RAB1B: variants seen among roughly 807,000 people sequenced by gnomAD.
The protein encoded by RAB1B is RAB1B, member RAS oncogene family.
Under a neutral mutation model 24.8 loss-of-function variants are expected in RAB1B, and 10 were observed. The ratio of observed to expected loss-of-function variants is 0.40; its 90% CI spans 0.25 to 0.68. The LOEUF (loss-of-function observed/expected upper bound fraction) is 0.68. Ranked by LOEUF, RAB1B falls within the 30% of genes least tolerant of loss-of-function variation. The pLI is 0.37. For synonymous variants in RAB1B, 99 were observed against 111.7 expected, an observed-to-expected ratio of 0.89 and a Z score of 0.72; for missense variants, 154 against 271.2, an observed-to-expected ratio of 0.57 and a Z score of 3.04.
chr11:66,270,825 A>G (rs1161736118), intron 1 of RAB1B: 1 of 152,290 alleles, frequency 6.6e-6, no homozygotes, highest in Non-Finnish European at 1.5e-5. Context: ...TGTACTGGGG[A>G]TTCCCTAAAT....
At chr11:66,270,967 C>T (rs1857047076) in intron 1 of RAB1B, 2 of 152,242 alleles carry the variant, frequency 1.3e-5, no homozygotes. Flanking sequence ...GCTGAGAGCC[C>T]TTTGGGCTAG....
rs755825172 is a variant in RAB1B, at chr11:66,272,270, C to G, written c.183+18C>G. On this transcript the variant is annotated intron_variant, in intron 3 of 5. Transcript: ENST00000311481. Reference sequence around the variant, plus strand: ...TTCAGATCGTGAGTGTCGCTCTTCCCAAAATCCCCAGTACAGAGGTATCCA... The same window carrying G: ...TTCAGATCGTGAGTGTCGCTCTTCCGAAAATCCCCAGTACAGAGGTATCCA... 4 of 1,608,886 alleles carry G rather than the reference C, an allele frequency of 2.5e-6. No individual in the cohort carries two copies. The highest frequency in any genetic ancestry group is 3.4e-6 in the Non-Finnish European group (4 of 1,175,190).
intron 2 of RAB1B, 132 bp from the exon 3 acceptor site, chr11:66,272,025 T>C (rs1014482744): frequency 1.0e-6 from 1 of 952,780 alleles, no homozygotes. Flanking sequence ...AAGACAGGGC[T>C]GGCCAGCTGA....
intron 4 of RAB1B, 122 bp downstream of exon 4, chr11:66,272,582 A>G (rs555826): frequency 1 from 643,748 of 646,640 alleles, 320,484 homozygotes; most frequent in East Asian, 1. Context: ...TTGTCTGCTT[A>G]CAGGAACTAA....
chr11:66,276,671 A>G lies in RAB1B; in HGVS notation c.*433A>G, dbSNP rs1030579569. 12 of 158,732 alleles carry G rather than the reference A, an allele frequency of 7.6e-5. No individual in the cohort carries two copies. Among genetic ancestry groups the G allele is most frequent in the Non-Finnish European group, 8.3e-5 (6 of 72,618 alleles). 9.8% of individuals were successfully genotyped at this position (158,732 alleles called of 1,614,324 possible). A position where few individuals can be genotyped will look rare whatever the true frequency, so the allele number is the denominator to read the frequency against. On this transcript the variant is annotated 3_prime_UTR_variant, in exon 6 of 6. Transcript: ENST00000311481. Reference sequence around the variant, plus strand: ...GCTGCAGTCAGTGCCCAGGGCGAGGAATGTGGCCAGGGGATCCAGGACCTG... The same window carrying G: ...GCTGCAGTCAGTGCCCAGGGCGAGGGATGTGGCCAGGGGATCCAGGACCTG...
chr11:66,275,972 T>C (rs2134867738), intron 5 of RAB1B, 37 bp downstream of exon 5: 1 of 1,607,988 alleles, frequency 6.2e-7, no homozygotes. Flanking sequence ...GTCGGGGCGC[T>C]GGGGCCTGCT....
rs1170642501 is a variant in RAB1B, at chr11:66,272,414, A to T, written c.233A>T (p.Tyr78Phe). ...TTCCGGACCATCACTTCCAGCTACT[A>T]CCGGGGGGCTCATGGCATCATCGTG... is the stretch of plus-strand genomic sequence containing the variant. Reference protein sequence around the residue: ...ERFRTITSSYYRGAHGIIVVY... With the variant: ...ERFRTITSSYFRGAHGIIVVY... The change falls in exon 4 of 6, where the codon TAC becomes TTC. Residue 78 changes from tyrosine (Y) to phenylalanine (F), a missense_variant. Coordinates refer to ENST00000311481, the MANE Select transcript of RAB1B (RefSeq NM_030981.3). 6.2e-7 allele frequency: 1 copy of T among 1,606,778 alleles called. No individual in the cohort carries two copies. The highest frequency in any genetic ancestry group is 8.5e-7 in the Non-Finnish European group (1 of 1,175,714).
Position 66,275,944 on chromosome 11 carries a change from C to A in RAB1B, c.411+9C>A. The A allele has an allele frequency of 6.2e-7, 1 of 1,611,206 alleles. No homozygotes were observed. The highest frequency in any genetic ancestry group is 8.5e-7 in the Non-Finnish European group (1 of 1,179,174). ...ACAACACCACAGCCAAGGTAGCAGA[C>A]GGGCCGGTCTGCCCGGGGTCGGGGC... On this transcript the variant is annotated intron_variant, in intron 5 of 5. Transcript: ENST00000311481.
rs148894999 is a variant in RAB1B, at chr11:66,273,245, C to T, written c.279+785C>T. Among the ~76,000 whole-genome samples, 566 of 152,304 alleles carry T rather than the reference C, an allele frequency of 3.7e-3. 2 individuals carry two copies. Among genetic ancestry groups the T allele is most frequent in the African/African-American group, 0.012 (513 of 41,560 alleles). On this transcript the variant is annotated intron_variant, in intron 4 of 5. Transcript: ENST00000311481. ...AAGATAAGGAGAAGCTTAAATCAGCCGTGGGCCGGGAAGAGTCCCTGTCTG... is the reference window on the plus strand; with the variant it reads ...AAGATAAGGAGAAGCTTAAATCAGCTGTGGGCCGGGAAGAGTCCCTGTCTG...
chr11:66,276,295 G>C lies in RAB1B; in HGVS notation c.*57G>C, dbSNP rs999078475. ...ACCTTCTCCAGATGATGTCCCTGGA[G>C]GGGGCAGGAGGTACCTCCCTCTCCC... is the stretch of plus-strand genomic sequence containing the variant. On this transcript the variant is annotated 3_prime_UTR_variant, in exon 6 of 6. Transcript: ENST00000311481. 1 of 1,459,438 alleles carries C rather than the reference G, an allele frequency of 6.9e-7. No homozygotes were observed. 90.4% of individuals were successfully genotyped at this position (1,459,438 alleles called of 1,614,324 possible).
At chr11:66,272,565 A>G (rs1857077756) in intron 4 of RAB1B, 105 bp downstream of exon 4, 2 of 774,684 alleles carry the variant, frequency 2.6e-6, no homozygotes, top group Non-Finnish European at 4.2e-6. Flanking sequence ...CCTGGAAAGG[A>G]CACTATTTGT....
In RAB1B at chr11:66,276,179, C is replaced by T. The variant is rs1334640022; in HGVS notation, c.547C>T (p.Arg183Trp). The T allele has an allele frequency of 1.2e-6, 2 of 1,607,002 alleles. No individual in the cohort carries two copies. The highest frequency in any genetic ancestry group is 1.7e-5 in the Admixed American group (1 of 57,596). The change falls in exon 6 of 6, where the codon CGG becomes TGG. Residue 183 changes from arginine (R) to tryptophan (W), a missense_variant. Physicochemically the swap from Arg to Trp is moderately radical, Grantham distance 101 (BLOSUM62 -3). Coordinates refer to ENST00000311481, the MANE Select transcript of RAB1B (RefSeq NM_030981.3). ...GCCTGGAGCAGCCTCTGGGGGCGAG[C>T]GGCCCAATCTCAAGATCGACAGCAC... ...MGPGAASGGE[R>W]PNLKIDSTPV...
chr11:66,273,551 AC>A (rs1277486750), intron 4 of RAB1B, among the ~76,000 whole-genome samples: 1 of 151,610 alleles, frequency 6.6e-6, no homozygotes, highest in Non-Finnish European at 1.5e-5. Flanking sequence ...GCCTCCCATC[AC>A]CCTGTGTTTG....
chr11:66,269,673 G>A (rs1319062362), intron 1 of RAB1B, among the ~76,000 whole-genome samples: 1 of 152,194 alleles, frequency 6.6e-6, no homozygotes, highest in Non-Finnish European at 1.5e-5. Context: ...AACCTGGTTT[G>A]AGTCTTAAAG....
In RAB1B at chr11:66,276,032, C is replaced by G. The variant is rs766913898; in HGVS notation, c.412-12C>G. 4 of 1,611,296 alleles carry G rather than the reference C, an allele frequency of 2.5e-6. No homozygotes were observed. Among genetic ancestry groups the G allele is most frequent in the Non-Finnish European group, 3.4e-6 (4 of 1,178,946 alleles). On this transcript the variant is annotated splice_polypyrimidine_tract_variant and intron_variant, in intron 5 of 5. Transcript: ENST00000311481. ...CTTCTCTCCCCTCCTCTTCTCTCCT[C>G]TCCCTTGTCAGGAGTTTGCAGACTC...
chr11:66,271,525 G>T, intron 1 of RAB1B: 2 of 230,178 alleles, frequency 8.7e-6, no homozygotes, highest in East Asian at 9.5e-5. Flanking sequence ...TTAGCTAGAA[G>T]TGGTGGTGGT....
At chr11:66,269,994 C>T (rs1857028112) in intron 1 of RAB1B, 1 of 152,052 alleles carries the variant, frequency 6.6e-6, no homozygotes, top group South Asian at 2.1e-4. Context: ...CCTGCCTTGT[C>T]CTCCTGAGTA....
At chr11:66,272,988 T>G (rs950202421) in intron 4 of RAB1B, among the ~76,000 whole-genome samples, 2 of 152,232 alleles carry the variant, frequency 1.3e-5, no homozygotes, top group African/African-American at 4.8e-5. Flanking sequence ...CTGGAAATGG[T>G]TCCATGAAAC....
At chr11:66,271,106 G>C (rs2134860674) in intron 1 of RAB1B, 1 of 152,508 alleles carries the variant, frequency 6.6e-6, no homozygotes, top group East Asian at 1.9e-4. Flanking sequence ...AGCACTTTCA[G>C]AGGCCAAGGC....
Sources: gnomAD v4.1 joint callset for allele counts (sites outside exome capture counted in the v4.1 genomes callset) on GRCh38, gnomAD v4.1.1 for gene constraint, MANE v1.5 for transcripts, NCBI Gene and HGNC (gene_info 2026-07-23, HGNC 2026-07-21) for gene names.